SAE1: variants seen among roughly 807,000 people sequenced by gnomAD.
The protein encoded by SAE1 is SUMO-activating enzyme subunit 1.
SAE1 carries 11 observed loss-of-function variants against 40.6 expected under a neutral mutation model. The observed-to-expected ratio is 0.27, with a 90% CI of 0.17 to 0.45. The LOEUF is 0.45. Ranked by LOEUF, SAE1 falls within the 20% of genes least tolerant of loss-of-function variation. The pLI, the probability that SAE1 is intolerant of heterozygous loss-of-function variation, is 1.00. For synonymous variants in SAE1, 155 were observed against 154.3 expected, an observed-to-expected ratio of 1.00 and a Z score of -0.03; for missense variants, 373 against 427.3, an observed-to-expected ratio of 0.87 and a Z score of 1.12.
At chr19:47,150,473 A>G (rs2058281601) in intron 3 of SAE1, 98 bp downstream of exon 3, 9 of 969,020 alleles carry the variant, frequency 9.3e-6, no homozygotes, top group East Asian at 2.5e-5. Flanking sequence ...GAGCATTCAA[A>G]TATCAAATTC....
chr19:47,189,331 G>C (rs1006414252), intron 6 of SAE1, among the ~76,000 whole-genome samples: 5 of 152,090 alleles, frequency 3.3e-5, no homozygotes, highest in African/African-American at 1.2e-4. Flanking sequence ...GCTGAGGCAG[G>C]CGGATCACGA....
At chr19:47,166,877 A>T (rs549272613) in intron 5 of SAE1, among the ~76,000 whole-genome samples, 2 of 152,192 alleles carry the variant, frequency 1.3e-5, no homozygotes, top group Non-Finnish European at 2.9e-5. Flanking sequence ...AACATCTTGT[A>T]TACTATCTTT....
Position 47,161,301 on chromosome 19 carries a change from G to A in SAE1, c.627+6088G>A, listed in dbSNP as rs115419969. ...GCTGAGATTATAGGCATGAGCCACC[G>A]TACCCAGCCTATATTTTTTTTATTG... On this transcript the variant is annotated intron_variant, in intron 5 of 8. Transcript: ENST00000270225. Among the ~76,000 whole-genome samples, 1,437 of 151,376 alleles carry A rather than the reference G, an allele frequency of 9.5e-3. 24 individuals are homozygous for A. Among genetic ancestry groups the A allele is most frequent in the African/African-American group, 0.033 (1,359 of 41,200 alleles).
At chr19:47,165,076 C>CTTTTTTT (rs769656956) in intron 5 of SAE1, among the ~76,000 whole-genome samples, 5 of 59,098 alleles carry the variant, frequency 8.5e-5, no homozygotes, top group Admixed American at 5.6e-4. Flanking sequence ...TGAGCCAAGT[C>CTTTTTTT]TTTTTTTTTT....
intron 1 of SAE1, 80 bp from the exon 2 acceptor site, chr19:47,143,414 G>T (rs2058234406): frequency 2.5e-6 from 3 of 1,213,742 alleles, no homozygotes; most frequent in Non-Finnish European, 3.7e-6. Context: ...AAACCAAAAT[G>T]ATTTGTGTAT....
chr19:47,176,220 T>C (rs2058467889), intron 6 of SAE1, among the ~76,000 whole-genome samples: 1 of 152,220 alleles, frequency 6.6e-6, no homozygotes, highest in South Asian at 2.1e-4. Context: ...GGCAGCATGA[T>C]GTTATATTCC....
Position 47,209,279 on chromosome 19 carries a change from C to G in SAE1, c.*28C>G. 2 of 1,614,136 alleles carry G rather than the reference C, an allele frequency of 1.2e-6. No individual in the cohort carries two copies. Among genetic ancestry groups the G allele is most frequent in the Non-Finnish European group, 1.7e-6 (2 of 1,179,994 alleles). On this transcript the variant is annotated 3_prime_UTR_variant, in exon 9 of 9. Transcript: ENST00000270225. ...TCAAGATTTGGCAGCCCCAGAGATGCCAACTGCAGCATGCCCACCTGTATT... is the reference window on the plus strand; with the variant it reads ...TCAAGATTTGGCAGCCCCAGAGATGGCAACTGCAGCATGCCCACCTGTATT...
chr19:47,139,053 G>A (rs1160022062), intron 1 of SAE1, among the ~76,000 whole-genome samples: 2 of 152,156 alleles, frequency 1.3e-5, no homozygotes, highest in Non-Finnish European at 2.9e-5. Context: ...GAGCAAGGAT[G>A]ATGTTCTCTA....
At chr19:47,132,264 G>GA (rs1427234509) in intron 1 of SAE1, among the ~76,000 whole-genome samples, 3 of 140,632 alleles carry the variant, frequency 2.1e-5, no homozygotes, top group African/African-American at 7.8e-5. Context: ...TGCCCAGCTT[G>GA]TTTTTTTTTT....
intron 6 of SAE1, among the ~76,000 whole-genome samples, chr19:47,183,770 A>G (rs764878678): frequency 6.6e-6 from 1 of 152,164 alleles, no homozygotes; most frequent in Non-Finnish European, 1.5e-5. Context: ...GTCCTGTGCC[A>G]TCTTCCCTCG....
intron 6 of SAE1, among the ~76,000 whole-genome samples, chr19:47,176,522 C>T (rs1481726141): frequency 1.3e-5 from 2 of 152,158 alleles, no homozygotes; most frequent in African/African-American, 2.4e-5. Context: ...TGGTCATTTG[C>T]CCTATTGTAG....
At chr19:47,140,072 A>G (rs1334092138) in intron 1 of SAE1, among the ~76,000 whole-genome samples, 3 of 134,872 alleles carry the variant, frequency 2.2e-5, no homozygotes, top group African/African-American at 5.6e-5. Context: ...CGAGTAGCTG[A>G]GATTACAGGC....
intron 6 of SAE1, among the ~76,000 whole-genome samples, chr19:47,173,017 C>T (rs2058444656): frequency 6.6e-6 from 1 of 152,084 alleles, no homozygotes; most frequent in South Asian, 2.1e-4. Context: ...GTTTTGATTC[C>T]AAAGGTCTTG....
At chr19:47,181,460 C>G (rs373330940) in intron 6 of SAE1, among the ~76,000 whole-genome samples, 4 of 137,624 alleles carry the variant, frequency 2.9e-5, no homozygotes, top group African/African-American at 8.0e-5. Context: ...TTTTGTTTTT[C>G]TTGTTTTTTC....
intron 5 of SAE1, among the ~76,000 whole-genome samples, chr19:47,168,165 C>G (rs1600178745): frequency 6.6e-6 from 1 of 151,964 alleles, no homozygotes; most frequent in African/African-American, 2.4e-5. Context: ...GCACTCCAGC[C>G]TGGGTGACAG....
At chr19:47,157,311 AT>A (rs1255596958) in intron 5 of SAE1, among the ~76,000 whole-genome samples, 2 of 152,152 alleles carry the variant, frequency 1.3e-5, no homozygotes, top group Admixed American at 6.5e-5. Flanking sequence ...CCCAGTCAAG[AT>A]TTATCTGAAT....
chr19:47,200,087 C>T (rs928928764), intron 7 of SAE1, among the ~76,000 whole-genome samples: 6 of 152,018 alleles, frequency 3.9e-5, no homozygotes, highest in South Asian at 2.1e-4. Context: ...CCCGCCACCA[C>T]GCCCAGCTAA....
chr19:47,145,286 C>T (rs972426372), intron 2 of SAE1, among the ~76,000 whole-genome samples: 3 of 152,168 alleles, frequency 2.0e-5, no homozygotes, highest in Admixed American at 1.3e-4. Flanking sequence ...CAGGCGTGAG[C>T]CACCGCACCC....
intron 1 of SAE1, among the ~76,000 whole-genome samples, chr19:47,132,215 A>G (rs1339920695): frequency 1.3e-5 from 2 of 149,652 alleles, no homozygotes; most frequent in Non-Finnish European, 3.0e-5. Context: ...TGCCCGCCAC[A>G]GCCTCCCAAA....
Sources: gnomAD v4.1 joint callset for allele counts (sites outside exome capture counted in the v4.1 genomes callset) on GRCh38, gnomAD v4.1.1 for gene constraint, MANE v1.5 for transcripts, NCBI Gene and HGNC (gene_info 2026-07-23, HGNC 2026-07-21) for gene names.